CHD5: variants seen among roughly 807,000 people sequenced by gnomAD.
The protein encoded by CHD5 is ATP-dependent chromatin remodeler CHD5.
In CHD5, 69 loss-of-function variants were observed where a neutral mutation model predicts 230.3. The observed-to-expected ratio is 0.30, with a 90% CI of 0.25 to 0.37. The LOEUF (loss-of-function observed/expected upper bound fraction) is 0.37, where lower values mean the gene tolerates loss of function less well. CHD5 is among the 10% of genes least tolerant of loss of function. The pLI, the probability that CHD5 is intolerant of heterozygous loss-of-function variation, is 1.00. For synonymous variants in CHD5, 1,064 were observed against 1,065.9 expected, an observed-to-expected ratio of 1.00 and a Z score of 0.03; for missense variants, 1,827 against 2,622.8, an observed-to-expected ratio of 0.70 and a Z score of 6.63.
chr1:6,142,917 A>G lies in CHD5; in HGVS notation c.2044-312T>C. On this transcript the variant is annotated intron_variant, in intron 13 of 41. Transcript: ENST00000262450. This position sits in a 1 kb window ranked among gnomAD's most constrained non-coding sequence, Gnocchi z 5.2. ...TGTCATCACCACCTTGGTCCTGTTC[A>G]CTGCCTCCTCTTGAGTACCACACAG... is the stretch of plus-strand genomic sequence containing the variant. Among the ~76,000 whole-genome samples, 1 of 152,172 alleles carries G rather than the reference A, an allele frequency of 6.6e-6. No homozygotes were observed. The highest frequency in any genetic ancestry group is 1.5e-5 in the Non-Finnish European group (1 of 68,030).
At position 6,134,251 on chromosome 1, in the gene CHD5, A is replaced by C. The variant is rs766336101; in HGVS notation, c.3021T>G (p.Pro1007=). 10 of 1,613,046 alleles carry C rather than the reference A, an allele frequency of 6.2e-6. No individual in the cohort carries two copies. The highest frequency in any genetic ancestry group is 1.3e-5 in the African/African-American group (1 of 74,928). ...CATCGTAGGAGCCATTGGGCAAGAC[A>C]GGGGCCTCCTGCAGACACAGCAGGA... ...YLFPVAAVEA[P]VLPNGSYDGS... Residue 1007 remains proline, a synonymous_variant, in exon 20 of 42, where the codon CCT becomes CCG. Coordinates refer to ENST00000262450, the MANE Select transcript of CHD5 (RefSeq NM_015557.3). The surrounding 1 kb of genome is among the most constrained non-coding windows in gnomAD (Gnocchi z 6.3).
At chr1:6,158,687 GGAGGCCAAGGCAGGCAGATCGC>G (rs1667116131) in intron 3 of CHD5, among the ~76,000 whole-genome samples, 1 of 152,088 alleles carries the variant, frequency 6.6e-6, no homozygotes, top group Non-Finnish European at 1.5e-5. Context: ...CAGCACTTTG[GGAGGCCAAGGCAGGCAGATCGC>G]GAGGTCAAGA....
At chr1:6,108,288 G>C (rs1666228791) in intron 38 of CHD5, among the ~76,000 whole-genome samples, 2 of 147,804 alleles carry the variant, frequency 1.4e-5, no homozygotes. Flanking sequence ...AGTGATGATG[G>C]AGAGATGATA....
At chr1:6,120,971 G>T in intron 33 of CHD5, 134 bp downstream of exon 33, 1 of 1,034,070 alleles carries the variant, frequency 9.7e-7, no homozygotes, top group Non-Finnish European at 1.3e-6. Context: ...TCACCAGGGG[G>T]CCTGCAGAGG....
At chr1:6,147,897 G>A (rs1244672851) in intron 9 of CHD5, among the ~76,000 whole-genome samples, 2 of 152,200 alleles carry the variant, frequency 1.3e-5, no homozygotes, top group Non-Finnish European at 2.9e-5. Context: ...CTGGCTCTTG[G>A]GGGAGTGGAA....
intron 11 of CHD5, among the ~76,000 whole-genome samples, chr1:6,144,866 C>T (rs909900260): frequency 6.6e-5 from 10 of 152,246 alleles, no homozygotes; most frequent in Admixed American, 2.0e-4. Context: ...AGAGAAAAAC[C>T]GATCCCGTTA....
At chr1:6,159,286 C>T in intron 3 of CHD5, 50 bp downstream of exon 3, 1 of 1,548,304 alleles carries the variant, frequency 6.5e-7, no homozygotes, top group Non-Finnish European at 8.7e-7. Context: ...GGCTCAGCCC[C>T]CTTAAAGGGG....
intron 36 of CHD5, among the ~76,000 whole-genome samples, chr1:6,110,749 C>T (rs913988402): frequency 6.6e-6 from 1 of 152,214 alleles, no homozygotes; most frequent in African/African-American, 2.4e-5. Context: ...GACACAGCCC[C>T]GGGGCTTCAG....
intron 38 of CHD5, among the ~76,000 whole-genome samples, chr1:6,108,463 G>T (rs1480728682): frequency 6.7e-6 from 1 of 148,870 alleles, no homozygotes; most frequent in African/African-American, 2.5e-5. Flanking sequence ...GATGGGGGTG[G>T]AAGGATGGAG....
At position 6,130,390 on chromosome 1, in the gene CHD5, G is replaced by A; in HGVS notation, c.3263-62C>T. ...GGGGTACACCTTGGGTGGGCAGAAA[G>A]GATGGGGGAGAGAACAGAGAGAAGG... On this transcript the variant is annotated intron_variant, in intron 21 of 41. Transcript: ENST00000262450. This position sits in a 1 kb window ranked among gnomAD's most constrained non-coding sequence, Gnocchi z 4.9. 12 of 1,490,262 alleles carry A rather than the reference G, an allele frequency of 8.1e-6. No homozygotes were observed. The highest frequency in any genetic ancestry group is 1.1e-5 in the Non-Finnish European group (12 of 1,080,604). 92.3% of individuals were successfully genotyped at this position (1,490,262 alleles called of 1,614,324 possible). A position where few individuals can be genotyped will look rare whatever the true frequency, so the allele number is the denominator to read the frequency against.
Position 6,146,464 on chromosome 1 carries a change from C to T in CHD5, c.1591-41G>A, listed in dbSNP as rs766835325. 5.7e-6 allele frequency: 9 copies of T among 1,573,386 alleles called. No homozygotes were observed. Among genetic ancestry groups the T allele is most frequent in the South Asian group, 2.3e-5 (2 of 88,486 alleles). On this transcript the variant is annotated intron_variant, in intron 10 of 41. Transcript: ENST00000262450. The surrounding 1 kb of genome is among the most constrained non-coding windows in gnomAD (Gnocchi z 5.1). Reference sequence around the variant, plus strand: ...CACAAAGTCACAGAAGGGAGATGGGCCATGGTCCCCTGCATCTCCCTACCC... The same window carrying T: ...CACAAAGTCACAGAAGGGAGATGGGTCATGGTCCCCTGCATCTCCCTACCC...
chr1:6,112,066 T>G (rs1557536816), intron 35 of CHD5, 74 bp downstream of exon 35: 10 of 1,538,760 alleles, frequency 6.5e-6, no homozygotes, highest in Non-Finnish European at 7.1e-6. Context: ...AGTATAAAGT[T>G]AACCACTGGT....
Position 6,125,088 on chromosome 1 carries a change from T to C in CHD5, c.4394+12A>G, listed in dbSNP as rs778866530. ...GGTGGTCACACCCTGGGCCACCACC[T>C]AGCCCCTTTACCTAAACTCCTTCTC... On this transcript the variant is annotated intron_variant, in intron 29 of 41. Coordinates refer to ENST00000262450, the MANE Select transcript of CHD5 (RefSeq NM_015557.3). This position sits in a 1 kb window ranked among gnomAD's most constrained non-coding sequence, Gnocchi z 6.7. 1 of 1,571,454 alleles carries C rather than the reference T, an allele frequency of 6.4e-7. No homozygotes were observed. The highest frequency in any genetic ancestry group is 8.6e-7 in the Non-Finnish European group (1 of 1,157,726).
intron 38 of CHD5, among the ~76,000 whole-genome samples, chr1:6,108,381 A>C (rs1666230833): frequency 7.1e-6 from 1 of 141,734 alleles, no homozygotes; most frequent in African/African-American, 2.6e-5. Context: ...GGAAGGACGA[A>C]GGGATGATGG....
chr1:6,112,959 A>G lies in CHD5; in HGVS notation c.4952T>C (p.Leu1651Pro), dbSNP rs1666316673. The change falls in exon 34 of 42, where the codon CTG becomes CCG. Residue 1651 changes from leucine (L) to proline (P), a missense_variant. By Grantham distance (98) the Leu-to-Pro change is moderately conservative. Transcript: ENST00000262450. ...TCTGCTGTGGATCAAGCTCAGCTCCAGCTTGTCCAGGATCTTCTCCTTCTC... is the reference window on the plus strand; with the variant it reads ...TCTGCTGTGGATCAAGCTCAGCTCCGGCTTGTCCAGGATCTTCTCCTTCTC... ...LPEKEKILDK[L>P]ELSLIHSRGD... is the part of the protein sequence containing the mutation. The G allele has an allele frequency of 2.5e-6, 4 of 1,613,944 alleles. No individual in the cohort carries two copies. The highest frequency in any genetic ancestry group is 2.7e-5 in the African/African-American group (2 of 74,942).
In CHD5 at chr1:6,127,760, G is replaced by A. The variant is rs58207398; in HGVS notation, c.3903+286C>T. Among the ~76,000 whole-genome samples, 1,372 of 152,352 alleles carry A rather than the reference G, an allele frequency of 9.0e-3. 19 individuals are homozygous for A. Among genetic ancestry groups the A allele is most frequent in the African/African-American group, 0.031 (1,294 of 41,578 alleles). The stretch of plus-strand genomic sequence containing the variant: ...CCCATGTGGCTGTACTGCCCTCAGC[G>A]CTGCCTCCGTCCCTTCCCTCACTGT... On this transcript the variant is annotated intron_variant, in intron 25 of 41. Coordinates refer to ENST00000262450, the MANE Select transcript of CHD5 (RefSeq NM_015557.3).
intron 33 of CHD5, among the ~76,000 whole-genome samples, chr1:6,118,322 T>C (rs531338808): frequency 1.4e-5 from 2 of 142,394 alleles, no homozygotes; most frequent in East Asian, 4.2e-4. Context: ...AGGCTGTAGT[T>C]AAGCCAAGAT....
At chr1:6,165,664 A>G (rs1415358285) in intron 2 of CHD5, among the ~76,000 whole-genome samples, 1 of 151,732 alleles carries the variant, frequency 6.6e-6, no homozygotes, top group African/African-American at 2.4e-5. Context: ...TTGCAGCTCC[A>G]GAGCCATCTA....
chr1:6,130,729 G>A lies in CHD5; in HGVS notation c.3263-401C>T, dbSNP rs888790420. ...CCCACCGATGCTGCCAGGGCAGCCC[G>A]GGAAAACTCAGGGGCGCAGCTCCGG... is the stretch of plus-strand genomic sequence containing the variant. On this transcript the variant is annotated intron_variant, in intron 21 of 41. Transcript: ENST00000262450. The surrounding 1 kb of genome is among the most constrained non-coding windows in gnomAD (Gnocchi z 4.9). Among the ~76,000 whole-genome samples, 7 of 152,210 alleles carry A rather than the reference G, an allele frequency of 4.6e-5. No homozygotes were observed. In the East Asian group the frequency reaches 5.8e-4, roughly 13 times the overall value.
Sources: gnomAD v4.1 joint callset for allele counts (sites outside exome capture counted in the v4.1 genomes callset) on GRCh38, gnomAD v4.1.1 for gene constraint, Gnocchi (gnomAD v3.1) non-coding constraint, MANE v1.5 for transcripts, NCBI Gene and HGNC (gene_info 2026-07-23, HGNC 2026-07-21) for gene names.